XKR4: variants seen among roughly 807,000 people sequenced by gnomAD.
The protein encoded by XKR4 is XK related 4.
XKR4 carries 12 observed loss-of-function variants against 53.9 expected under a neutral mutation model. The ratio of observed to expected loss-of-function variants is 0.22; its 90% CI spans 0.14 to 0.36. The LOEUF (loss-of-function observed/expected upper bound fraction) is 0.36, where lower values mean the gene tolerates loss of function less well. XKR4 is among the 10% of genes least tolerant of loss of function. The pLI is 1.00. For synonymous variants in XKR4, 354 were observed against 362.4 expected (o/e 0.98, Z 0.26); for missense variants, 799 against 859.5 (o/e 0.93, Z 0.88).
intron 1 of XKR4, among the ~76,000 whole-genome samples, chr8:55,247,671 C>G (rs1279186203): frequency 2.0e-5 from 3 of 151,980 alleles, no homozygotes; most frequent in African/African-American, 7.2e-5. Flanking sequence ...TGATCTCATT[C>G]CCTTTCTTGA....
intron 1 of XKR4, among the ~76,000 whole-genome samples, chr8:55,317,309 C>T (rs763888211): frequency 1.3e-4 from 20 of 152,004 alleles, no homozygotes; most frequent in Non-Finnish European, 2.6e-4. Flanking sequence ...CTAATGTCCC[C>T]GAAATGATTG....
chr8:55,158,349 TA>T (rs576899788), intron 1 of XKR4, among the ~76,000 whole-genome samples: 18 of 152,318 alleles, frequency 1.2e-4, no homozygotes, highest in Admixed American at 3.3e-4. Flanking sequence ...TTAATGAGGT[TA>T]TTTTTTGCTT....
chr8:55,434,830 C>T (rs1295776563), intron 2 of XKR4, among the ~76,000 whole-genome samples: 2 of 152,300 alleles, frequency 1.3e-5, no homozygotes, highest in Middle Eastern at 3.4e-3. Flanking sequence ...CTGCTGATTG[C>T]CCCAGAGCTG....
At chr8:55,226,928 G>A (rs1817961025) in intron 1 of XKR4, among the ~76,000 whole-genome samples, 1 of 152,140 alleles carries the variant, frequency 6.6e-6, no homozygotes, top group South Asian at 2.1e-4. Flanking sequence ...AATATGCGAG[G>A]ACCTTGATCA....
chr8:55,473,026 G>A (rs1049223561), intron 2 of XKR4, among the ~76,000 whole-genome samples: 1 of 151,964 alleles, frequency 6.6e-6, no homozygotes, highest in South Asian at 2.1e-4. Context: ...TGATCCATTG[G>A]TCCTGGACAA....
At position 55,415,824 on chromosome 8, in the gene XKR4, A is replaced by T. The variant is rs192750777; in HGVS notation, c.1006+57947A>T. Among the ~76,000 whole-genome samples, 469 of 152,336 alleles carry T rather than the reference A, an allele frequency of 3.1e-3. 3 individuals carry two copies. The highest frequency in any genetic ancestry group is 0.011 in the African/African-American group (449 of 41,582). ...AGACTTGGGCATAAGGCTTCAATTC[A>T]TAGAGTTATACGAATTAAACAACAC... is the stretch of plus-strand genomic sequence containing the variant. On this transcript the variant is annotated intron_variant, in intron 2 of 2. Coordinates refer to ENST00000327381, the MANE Select transcript of XKR4 (RefSeq NM_052898.2).
chr8:55,127,425 G>A (rs1291538732), intron 1 of XKR4, among the ~76,000 whole-genome samples: 1 of 151,564 alleles, frequency 6.6e-6, no homozygotes, highest in Non-Finnish European at 1.5e-5. Context: ...GCTAATATTT[G>A]TATTTTTAGT....
At chr8:55,489,678 G>T (rs2135545) in intron 2 of XKR4, among the ~76,000 whole-genome samples, 19,870 of 150,806 alleles carry the variant, frequency 0.13, 1,842 homozygotes, top group East Asian at 0.43. Flanking sequence ...TAAGTATCTC[G>T]TAAGTAAAAT....
At position 55,184,360 on chromosome 8, in the gene XKR4, G is replaced by C. The variant is rs140196676; in HGVS notation, c.806+81066G>C. ...TCTCTAAGCTGAAACTAGATGTCTCGCAGATAATTTTGAGATTTGAAAATC... is the reference window on the plus strand; with the variant it reads ...TCTCTAAGCTGAAACTAGATGTCTCCCAGATAATTTTGAGATTTGAAAATC... On this transcript the variant is annotated intron_variant, in intron 1 of 2. Coordinates refer to ENST00000327381, the MANE Select transcript of XKR4 (RefSeq NM_052898.2). 1.9e-4 allele frequency among the ~76,000 whole-genome samples: 29 copies of C among 152,222 alleles called. No individual in the cohort carries two copies. In the East Asian group the frequency reaches 5.2e-3, roughly 27 times the overall value.
rs371735578 is a variant in XKR4 at position 55,197,663 on chromosome 8, C to T, written c.806+94369C>T. Reference sequence around the variant, plus strand: ...GGTTCACGCCATTCTCCTGCCTCAGCCTCCCAAGTAGCTGGGACTACAGGC... The same window carrying T: ...GGTTCACGCCATTCTCCTGCCTCAGTCTCCCAAGTAGCTGGGACTACAGGC... On this transcript the variant is annotated intron_variant, in intron 1 of 2. Transcript: ENST00000327381. 4.6e-5 allele frequency among the ~76,000 whole-genome samples: 7 copies of T among 152,082 alleles called. No individual in the cohort carries two copies. In the South Asian group the frequency reaches 6.2e-4, roughly 14 times the overall value.
intron 2 of XKR4, among the ~76,000 whole-genome samples, chr8:55,495,718 G>C (rs555447211): frequency 6.6e-6 from 1 of 152,346 alleles, no homozygotes; most frequent in South Asian, 2.1e-4. Context: ...GTCCCACCCA[G>C]CTGCGAGAGG....
chr8:55,106,466 A>G (rs1015935321), intron 1 of XKR4, among the ~76,000 whole-genome samples: 1 of 152,200 alleles, frequency 6.6e-6, no homozygotes, highest in African/African-American at 2.4e-5. Context: ...AAGAGCAATT[A>G]TGACTTTAAA....
chr8:55,169,119 C>A (rs1817113768), intron 1 of XKR4, among the ~76,000 whole-genome samples: 1 of 152,144 alleles, frequency 6.6e-6, no homozygotes, highest in South Asian at 2.1e-4. Context: ...TTAACACGTG[C>A]CCTTTAAAAT....
chr8:55,243,839 C>T (rs750331277), intron 1 of XKR4, among the ~76,000 whole-genome samples: 1 of 152,180 alleles, frequency 6.6e-6, no homozygotes, highest in South Asian at 2.1e-4. Flanking sequence ...AGGAAGGTGA[C>T]GGTCGGATCT....
chr8:55,510,120 C>G (rs1806604791), intron 2 of XKR4, among the ~76,000 whole-genome samples: 1 of 151,970 alleles, frequency 6.6e-6, no homozygotes, highest in African/African-American at 2.4e-5. Flanking sequence ...GAGAGACACC[C>G]ACAGGCTGAG....
chr8:55,274,731 C>T (rs1338263405), intron 1 of XKR4, among the ~76,000 whole-genome samples: 2 of 152,114 alleles, frequency 1.3e-5, no homozygotes, highest in Non-Finnish European at 2.9e-5. Flanking sequence ...CCGTGCCTGG[C>T]CAAATTTCTT....
rs1399716640 is a variant in XKR4 at position 55,534,865 on chromosome 8, C to G, written c.*10638C>G. The stretch of plus-strand genomic sequence containing the variant: ...TTCAGAGTATGCAAGAGAGTCGGGC[C>G]TTCATATGTTCTTGTAAAGTTTTCT... On this transcript the variant is annotated 3_prime_UTR_variant, in exon 3 of 3. Transcript: ENST00000327381. 6.6e-6 allele frequency: 1 copy of G among 151,180 alleles called. No homozygotes were observed. The highest frequency in any genetic ancestry group is 1.5e-5 in the Non-Finnish European group (1 of 67,878). 9.4% of individuals were successfully genotyped at this position (151,180 alleles called of 1,614,324 possible).
At chr8:55,115,454 A>C (rs933424211) in intron 1 of XKR4, among the ~76,000 whole-genome samples, 1 of 151,804 alleles carries the variant, frequency 6.6e-6, no homozygotes, top group Non-Finnish European at 1.5e-5. Flanking sequence ...AAATGTTTTG[A>C]ATGGCAAAAG....
At chr8:55,503,587 T>C (rs1721517947) in intron 2 of XKR4, among the ~76,000 whole-genome samples, 3 of 152,202 alleles carry the variant, frequency 2.0e-5, no homozygotes, top group African/African-American at 2.4e-5. Context: ...TATTGACTTA[T>C]TAGTTCTGTC....
Sources: gnomAD v4.1 joint callset for allele counts (sites outside exome capture counted in the v4.1 genomes callset) on GRCh38, gnomAD v4.1.1 for gene constraint, MANE v1.5 for transcripts, NCBI Gene and HGNC (gene_info 2026-07-23, HGNC 2026-07-21) for gene names.